The following GOLGB1 variants were observed in gnomAD, a reference collection of about 807,000 sequenced individuals.
The protein encoded by GOLGB1 is golgin subfamily B member 1.
A neutral mutation model predicts 336.9 loss-of-function variants in GOLGB1; 174 were observed. The ratio of observed to expected loss-of-function variants is 0.52; its 90% CI spans 0.46 to 0.59. The LOEUF (loss-of-function observed/expected upper bound fraction) is 0.59. GOLGB1 is among the 20% of genes least tolerant of loss of function. The pLI is 0.00. For synonymous variants in GOLGB1, 1,208 were observed against 1,289.2 expected (o/e 0.94, Z 1.35); for missense variants, 3,331 against 3,645.3 (o/e 0.91, Z 2.22).
chr3:121,677,230 C>T (rs1940524412), intron 16 of GOLGB1, 55 bp downstream of exon 16: 1 of 1,382,092 alleles, frequency 7.2e-7, no homozygotes, highest in Admixed American at 2.0e-5. Context: ...CTGCAATCAT[C>T]ATCATTTGTT....
chr3:121,692,161 T>C lies in GOLGB1; in HGVS notation c.7203A>G (p.Gln2401=), dbSNP rs568412904. The change falls in exon 14 of 22, where the codon CAA becomes CAG. Residue 2401 remains glutamine (Q), a synonymous_variant. Transcript: ENST00000614479. ...SLLSGKEEAI[Q]VAIAELRQQH... ...GCTGACGCAGTTCAGCAATAGCTAC[T>C]TGGATTGCCTCTTCCTTGCCAGAAA... 1 of 1,607,464 alleles carries C rather than the reference T, an allele frequency of 6.2e-7. No homozygotes were observed. The highest frequency in any genetic ancestry group is 1.1e-5 in the South Asian group (1 of 89,298).
Position 121,691,976 on chromosome 3 carries a change from T to C in GOLGB1, c.7388A>G (p.Gln2463Arg), listed in dbSNP as rs147972336. ...IKKENIQQKA[Q>R]LDSFVKSMSS... is the part of the protein sequence containing the mutation. Reference sequence around the variant, plus strand: ...CATGGATTTAACAAAGGAATCCAACTGTGCCTTTTGCTGAATGTTTTCCTT... The same window carrying C: ...CATGGATTTAACAAAGGAATCCAACCGTGCCTTTTGCTGAATGTTTTCCTT... Residue 2463 changes from glutamine to arginine, a missense_variant, in exon 14 of 22, where the codon CAG (glutamine) becomes CGG (arginine). Physicochemically the swap from Gln to Arg is conservative, Grantham distance 43. Coordinates refer to ENST00000614479, the MANE Select transcript of GOLGB1 (RefSeq NM_001366282.2). The C allele has an allele frequency of 7.8e-5, 126 of 1,613,984 alleles. 1 individual carries two copies. Among genetic ancestry groups the C allele is most frequent in the Non-Finnish European group, 2.4e-5 (28 of 1,179,936 alleles).
At chr3:121,742,262 A>C (rs1946920960) in intron 1 of GOLGB1, among the ~76,000 whole-genome samples, 1 of 152,260 alleles carries the variant, frequency 6.6e-6, no homozygotes, top group Admixed American at 6.5e-5. Context: ...CTGGTACCAA[A>C]ACACATACAT....
intron 1 of GOLGB1, among the ~76,000 whole-genome samples, chr3:121,748,569 A>C (rs1947533483): frequency 6.6e-6 from 1 of 152,186 alleles, no homozygotes; most frequent in African/African-American, 2.4e-5. Flanking sequence ...ATCTATTCCA[A>C]AACCAAATCC....
intron 17 of GOLGB1, among the ~76,000 whole-genome samples, chr3:121,673,072 G>T (rs1467388857): frequency 5.5e-5 from 8 of 146,744 alleles, no homozygotes; most frequent in African/African-American, 1.0e-4. Flanking sequence ...TTTGTTTTTT[G>T]GTTTTTTTTT....
At chr3:121,702,717 AT>A (rs1943508747) in intron 10 of GOLGB1, 122 bp from the exon 11 acceptor site, 2 of 401,556 alleles carry the variant, frequency 5.0e-6, no homozygotes, top group South Asian at 1.9e-4. Context: ...TACTTTAAAA[AT>A]AACATCTACT....
At chr3:121,693,252 C>T (rs1301150983) in intron 13 of GOLGB1, among the ~76,000 whole-genome samples, 4 of 152,044 alleles carry the variant, frequency 2.6e-5, no homozygotes, top group South Asian at 2.1e-4. Context: ...TTTGGGAGGC[C>T]GAGGTGGGTG....
In GOLGB1 at chr3:121,692,303, A is replaced by G. The variant is rs998350692; in HGVS notation, c.7061T>C (p.Ile2354Thr). 1.5e-5 allele frequency: 24 copies of G among 1,611,612 alleles called. No individual in the cohort carries two copies. The highest frequency in any genetic ancestry group is 2.0e-5 in the Non-Finnish European group (23 of 1,179,412). ...TTCATAACTGAACTTAGAATTTTGA[A>G]TATCAGCCTCTTGCTGCCTTATGAT... Reference protein sequence around the residue: ...EGIIRQQEADIQNSKFSYEQL... With the variant: ...EGIIRQQEADTQNSKFSYEQL... Residue 2354 changes from isoleucine to threonine, a missense_variant, in exon 14 of 22, where the codon ATT (isoleucine) becomes ACT (threonine). By Grantham distance (89) the Ile-to-Thr change is moderately conservative (BLOSUM62 -1). Transcript: ENST00000614479.
intron 17 of GOLGB1, among the ~76,000 whole-genome samples, chr3:121,676,543 T>C (rs1940402805): frequency 6.6e-6 from 1 of 152,248 alleles, no homozygotes; most frequent in South Asian, 2.1e-4. Flanking sequence ...ATATTTTGAA[T>C]AGTCAGTGAA....
intron 10 of GOLGB1, among the ~76,000 whole-genome samples, chr3:121,712,681 T>C (rs1392918251): frequency 6.6e-6 from 1 of 152,174 alleles, no homozygotes; most frequent in Non-Finnish European, 1.5e-5. Flanking sequence ...AAGGTGTACA[T>C]ATGGCTAAGA....
At chr3:121,729,136 A>G in intron 4 of GOLGB1, 52 bp downstream of exon 4, 1 of 1,234,112 alleles carries the variant, frequency 8.1e-7, no homozygotes, top group Non-Finnish European at 1.2e-6. Flanking sequence ...GATCTGCTGT[A>G]TTGGTAGGTT....
chr3:121,709,068 A>G (rs537827224), intron 10 of GOLGB1, among the ~76,000 whole-genome samples: 6 of 152,328 alleles, frequency 3.9e-5, no homozygotes, highest in African/African-American at 1.4e-4. Flanking sequence ...TGCCAGATAC[A>G]GAGAAATGTA....
In GOLGB1 at chr3:121,673,086, T is replaced by C. The variant is rs1939785583; in HGVS notation, c.9178-3731A>G. 1.3e-5 allele frequency among the ~76,000 whole-genome samples: 2 copies of C among 151,834 alleles called. 1 individual carries two copies. The highest frequency in any genetic ancestry group is 4.2e-4 in the South Asian group (2 of 4,818). ...TTTTGTTTTTTGGTTTTTTTTTTTT[T>C]TGAGACGGAGTCTCGCTCTGTCACC... On this transcript the variant is annotated intron_variant, in intron 17 of 21. Coordinates refer to ENST00000614479, the MANE Select transcript of GOLGB1 (RefSeq NM_001366282.2).
Position 121,692,002 on chromosome 3 carries a change from T to C in GOLGB1, c.7362A>G (p.Lys2454=). ...NQLMETLKTI[K]KENIQQKAQL... is the part of the protein sequence containing the mutation. Reference sequence around the variant, plus strand: ...GTGCCTTTTGCTGAATGTTTTCCTTTTTGATGGTTTTCAGTGTTTCCATAA... The same window carrying C: ...GTGCCTTTTGCTGAATGTTTTCCTTCTTGATGGTTTTCAGTGTTTCCATAA... Residue 2454 remains lysine, a synonymous_variant, in exon 14 of 22, where the codon AAA becomes AAG. Coordinates refer to ENST00000614479, the MANE Select transcript of GOLGB1 (RefSeq NM_001366282.2). The C allele has an allele frequency of 6.2e-7, 1 of 1,613,738 alleles. No individual in the cohort carries two copies. Among genetic ancestry groups the C allele is most frequent in the Non-Finnish European group, 8.5e-7 (1 of 1,179,902 alleles).
chr3:121,713,916 G>A (rs1000890178), intron 10 of GOLGB1, among the ~76,000 whole-genome samples: 7 of 152,186 alleles, frequency 4.6e-5, no homozygotes, highest in Non-Finnish European at 1.0e-4. Flanking sequence ...TGATGGATGG[G>A]CAGAGGGATG....
chr3:121,679,416 G>A (rs1167633268), intron 15 of GOLGB1, among the ~76,000 whole-genome samples: 1 of 152,174 alleles, frequency 6.6e-6, no homozygotes, highest in East Asian at 1.9e-4. Context: ...CTTGAGGAAT[G>A]ACATGGTGGC....
chr3:121,712,712 A>G (rs943168193), intron 10 of GOLGB1, among the ~76,000 whole-genome samples: 2 of 152,234 alleles, frequency 1.3e-5, no homozygotes, highest in African/African-American at 4.8e-5. Flanking sequence ...AAAAAGTTCA[A>G]CATAATTTGT....
chr3:121,716,636 A>G (rs775524077), intron 9 of GOLGB1, 101 bp downstream of exon 9: 19 of 965,464 alleles, frequency 2.0e-5, no homozygotes, highest in East Asian at 4.9e-5. Context: ...TATTGGTTCA[A>G]TTGGTTTGAG....
At chr3:121,664,706 C>T in intron 21 of GOLGB1, 92 bp from the exon 22 acceptor site, 3 of 1,244,508 alleles carry the variant, frequency 2.4e-6, no homozygotes, top group Non-Finnish European at 3.5e-6. Flanking sequence ...CAAAGCTGAC[C>T]CAACCACTGT....
Sources: allele counts gnomAD v4.1 joint callset (sites outside exome capture counted in the v4.1 genomes callset), GRCh38; gene constraint gnomAD v4.1.1; transcripts MANE v1.5; gene names NCBI Gene and HGNC (gene_info 2026-07-23, HGNC 2026-07-21).